RNF169: variants seen among roughly 807,000 people sequenced by gnomAD.
RNF169 encodes ring finger protein 169.
RNF169 carries 24 observed loss-of-function variants against 53.9 expected under a neutral mutation model. That is an observed-to-expected ratio of 0.45 (90% CI 0.32 to 0.63). The LOEUF is 0.63. Ranked by LOEUF, RNF169 falls within the 20% of genes least tolerant of loss-of-function variation. RNF169 has a pLI of 0.04. For synonymous variants in RNF169, 396 were observed against 363.5 expected (o/e 1.09, Z -1.02); for missense variants, 883 against 906.2 (o/e 0.97, Z 0.33).
At chr11:74,815,683 G>A (rs1001075077) in intron 3 of RNF169, among the ~76,000 whole-genome samples, 3 of 152,144 alleles carry the variant, frequency 2.0e-5, no homozygotes, top group Non-Finnish European at 4.4e-5. Flanking sequence ...GTTAATGTAC[G>A]CTAGGTATTT....
rs753908528 is a variant in RNF169, at chr11:74,836,440, G to C, written c.1837G>C (p.Glu613Gln). Residue 613 changes from glutamate (E) to glutamine (Q), a missense_variant, in exon 6 of 6, where the codon GAG (glutamate) becomes CAG (glutamine). Physicochemically the swap from Glu to Gln is conservative, Grantham distance 29. Coordinates refer to ENST00000299563, the MANE Select transcript of RNF169 (RefSeq NM_001098638.2). ...NGVLVESLSE[E>Q]PLPSLRRGRK... ...TGTTCTAGTTGAGAGCCTAAGTGAA[G>C]AGCCACTTCCTTCTTTGCGTCGAGG... is the stretch of plus-strand genomic sequence containing the variant. The C allele has an allele frequency of 2.5e-6, 4 of 1,614,228 alleles. No homozygotes were observed. The Admixed American group carries it at 6.7e-5, about 27-fold the overall frequency.
At chr11:74,822,637 G>A (rs570035225) in intron 4 of RNF169, among the ~76,000 whole-genome samples, 1 of 152,314 alleles carries the variant, frequency 6.6e-6, no homozygotes, top group African/African-American at 2.4e-5. Context: ...CACTTCAGCT[G>A]TGTGAACTTG....
At chr11:74,829,974 C>T (rs2036154679) in intron 4 of RNF169, among the ~76,000 whole-genome samples, 1 of 152,036 alleles carries the variant, frequency 6.6e-6, no homozygotes, top group Non-Finnish European at 1.5e-5. Flanking sequence ...AGCTATGTAA[C>T]CTGCACATCC....
At chr11:74,759,235 A>T (rs1342270960) in intron 1 of RNF169, among the ~76,000 whole-genome samples, 4 of 130,148 alleles carry the variant, frequency 3.1e-5, no homozygotes, top group African/African-American at 1.1e-4. Flanking sequence ...TTTCTAGATA[A>T]ACAATCATGT....
chr11:74,786,750 C>T (rs1331893827), intron 1 of RNF169, among the ~76,000 whole-genome samples: 1 of 152,122 alleles, frequency 6.6e-6, no homozygotes, highest in African/African-American at 2.4e-5. Context: ...CTTATAATAA[C>T]CTGTGATGAT....
chr11:74,841,494 G>A lies in RNF169; in HGVS notation c.*4764G>A, dbSNP rs1298870054. ...ATTGGAAAAAGTGCCAAGACTGGAT[G>A]TGCAGATTGTTCTATGTATTATCAG... On this transcript the variant is annotated 3_prime_UTR_variant, in exon 6 of 6. Coordinates refer to ENST00000299563, the MANE Select transcript of RNF169 (RefSeq NM_001098638.2). 1.3e-5 allele frequency: 2 copies of A among 152,148 alleles called. No individual in the cohort carries two copies. The highest frequency in any genetic ancestry group is 2.9e-5 in the Non-Finnish European group (2 of 68,028). 9.4% of individuals were successfully genotyped at this position (152,148 alleles called of 1,614,324 possible).
chr11:74,820,199 T>C (rs1004868017), intron 4 of RNF169, among the ~76,000 whole-genome samples: 1 of 152,068 alleles, frequency 6.6e-6, no homozygotes, highest in Non-Finnish European at 1.5e-5. Context: ...AGCTTCAGGA[T>C]TGAGGAAAAG....
chr11:74,776,333 C>A (rs1042355698), intron 1 of RNF169, among the ~76,000 whole-genome samples: 7 of 151,820 alleles, frequency 4.6e-5, no homozygotes, highest in Admixed American at 3.9e-4. Context: ...TATAATGCAA[C>A]CTCAAAAGAT....
At chr11:74,805,131 C>T (rs934870259) in intron 2 of RNF169, among the ~76,000 whole-genome samples, 1 of 152,200 alleles carries the variant, frequency 6.6e-6, no homozygotes, top group South Asian at 2.1e-4. Flanking sequence ...TAAATAACAA[C>T]CCAAATGTCC....
chr11:74,829,376 A>G (rs919319553), intron 4 of RNF169, among the ~76,000 whole-genome samples: 1 of 152,198 alleles, frequency 6.6e-6, no homozygotes, highest in Non-Finnish European at 1.5e-5. Context: ...AAAAAGGAAC[A>G]CTTCTACATT....
chr11:74,796,233 T>C (rs1477379098), intron 2 of RNF169, among the ~76,000 whole-genome samples: 1 of 152,224 alleles, frequency 6.6e-6, no homozygotes, highest in Non-Finnish European at 1.5e-5. Flanking sequence ...TTTATTCTAT[T>C]AAAAGTTTTC....
intron 2 of RNF169, among the ~76,000 whole-genome samples, chr11:74,800,781 GGT>G (rs1178458695): frequency 2.6e-5 from 4 of 152,264 alleles, no homozygotes; most frequent in African/African-American, 9.6e-5. Context: ...GGACAGTGAA[GGT>G]GTGTCTTTGT....
intron 4 of RNF169, among the ~76,000 whole-genome samples, chr11:74,826,042 T>C (rs2036091207): frequency 6.6e-6 from 1 of 152,122 alleles, no homozygotes; most frequent in Admixed American, 6.5e-5. Context: ...CCATAAGATC[T>C]TGGTCAGAAG....
intron 1 of RNF169, among the ~76,000 whole-genome samples, chr11:74,777,290 C>G (rs1442030409): frequency 6.6e-6 from 1 of 152,132 alleles, no homozygotes; most frequent in Non-Finnish European, 1.5e-5. Context: ...ATCATTCTAC[C>G]TTGTGGACTA....
chr11:74,811,785 G>A (rs1357554431), intron 3 of RNF169, among the ~76,000 whole-genome samples: 2 of 152,070 alleles, frequency 1.3e-5, no homozygotes, highest in Non-Finnish European at 2.9e-5. Flanking sequence ...ACCACAGAGG[G>A]CAAAAAAGAC....
rs561164012 is a variant in RNF169 at position 74,839,721 on chromosome 11, G to C, written c.*2991G>C. ...TGGTGCCCTTAGAAGGGGGCTGTCA[G>C]CTCTTTTCCATAGAGAGGGAAAGAA... On this transcript the variant is annotated 3_prime_UTR_variant, in exon 6 of 6. Transcript: ENST00000299563. 6.6e-6 allele frequency: 1 copy of C among 152,246 alleles called. No individual in the cohort carries two copies. Among genetic ancestry groups the C allele is most frequent in the South Asian group, 2.1e-4 (1 of 4,812 alleles). 9.4% of individuals were successfully genotyped at this position (152,246 alleles called of 1,614,324 possible).
intron 4 of RNF169, among the ~76,000 whole-genome samples, chr11:74,819,515 G>A (rs1194527093): frequency 6.6e-6 from 1 of 152,118 alleles, no homozygotes; most frequent in Non-Finnish European, 1.5e-5. Flanking sequence ...ATAATACTTA[G>A]TACAGTGTCT....
intron 2 of RNF169, among the ~76,000 whole-genome samples, chr11:74,792,659 C>G (rs2035595024): frequency 6.6e-6 from 1 of 152,116 alleles, no homozygotes; most frequent in African/African-American, 2.4e-5. Flanking sequence ...CCTCTGCCTC[C>G]CAAAGTGCTG....
At chr11:74,807,935 T>A (rs1179416912) in intron 2 of RNF169, 2 of 152,220 alleles carry the variant, frequency 1.3e-5, no homozygotes, top group Non-Finnish European at 2.9e-5. Flanking sequence ...CATTTGAATA[T>A]TTAAATGGAT....
Sources: allele counts gnomAD v4.1 joint callset (sites outside exome capture counted in the v4.1 genomes callset), GRCh38; gene constraint gnomAD v4.1.1; transcripts MANE v1.5; gene names NCBI Gene and HGNC (gene_info 2026-07-23, HGNC 2026-07-21).